Variants in DTNB observed in about 807,000 individuals in gnomAD.
DTNB encodes DTN-B.
A neutral mutation model predicts 90.7 loss-of-function variants in DTNB; 63 were observed. The ratio of observed to expected loss-of-function variants is 0.69; its 90% CI spans 0.57 to 0.86. DTNB has a LOEUF of 0.86. Ranked by LOEUF, DTNB falls within the 40% of genes least tolerant of loss-of-function variation. The pLI, the probability that DTNB is intolerant of heterozygous loss-of-function variation, is 0.00. For synonymous variants in DTNB, 277 were observed against 286.7 expected, an observed-to-expected ratio of 0.97 and a Z score of 0.34; for missense variants, 744 against 807.1, an observed-to-expected ratio of 0.92 and a Z score of 0.95.
chr2:25,608,826 G>A (rs1489026549), intron 4 of DTNB, among the ~76,000 whole-genome samples: 2 of 152,158 alleles, frequency 1.3e-5, no homozygotes, highest in African/African-American at 4.8e-5. Flanking sequence ...CTGAAACTAG[G>A]ATAGGGGCAC....
intron 8 of DTNB, among the ~76,000 whole-genome samples, chr2:25,535,448 C>A (rs1434818493): frequency 6.9e-6 from 1 of 144,696 alleles, no homozygotes; most frequent in Non-Finnish European, 1.5e-5. Context: ...CCTCACCTCC[C>A]ATTCGGGGCA....
At chr2:25,486,525 C>T (rs1038127283) in intron 9 of DTNB, among the ~76,000 whole-genome samples, 5 of 150,958 alleles carry the variant, frequency 3.3e-5, no homozygotes, top group Non-Finnish European at 2.9e-5. Context: ...CCTAGCTACT[C>T]AGGAGGCAGA....
chr2:25,593,987 C>T (rs1011974336), intron 6 of DTNB, among the ~76,000 whole-genome samples: 1 of 152,190 alleles, frequency 6.6e-6, no homozygotes, highest in African/African-American at 2.4e-5. Flanking sequence ...ATACACCATA[C>T]ACAAGATTAC....
At chr2:25,529,811 C>T (rs1157146390) in intron 9 of DTNB, among the ~76,000 whole-genome samples, 1 of 152,144 alleles carries the variant, frequency 6.6e-6, no homozygotes, top group Non-Finnish European at 1.5e-5. Context: ...CATTATTTGG[C>T]TTTATTAGAT....
intron 2 of DTNB, chr2:25,650,140 TCAGATCTCTACCC>T (rs748276976): frequency 8.1e-6 from 8 of 985,448 alleles, no homozygotes; most frequent in Non-Finnish European, 9.6e-6. Flanking sequence ...CAGGACTACT[TCAGATCTCTACCC>T]CATCAACGCC....
intron 6 of DTNB, 73 bp from the exon 7 acceptor site, chr2:25,580,899 T>A: frequency 7.4e-7 from 1 of 1,352,202 alleles, no homozygotes; most frequent in Non-Finnish European, 1.0e-6. Context: ...AATTTAGGAT[T>A]TTTCCCATCC....
intron 16 of DTNB, among the ~76,000 whole-genome samples, chr2:25,389,772 C>T (rs1353835753): frequency 1.3e-5 from 2 of 152,046 alleles, no homozygotes; most frequent in Non-Finnish European, 2.9e-5. Flanking sequence ...GACACCCCAC[C>T]GCAGTGCTTC....
At chr2:25,642,640 G>A (rs1046339984) in intron 2 of DTNB, among the ~76,000 whole-genome samples, 17 of 152,016 alleles carry the variant, frequency 1.1e-4, no homozygotes, top group African/African-American at 3.9e-4. Context: ...TTGAACTCCC[G>A]AGCTCAATGG....
intron 6 of DTNB, among the ~76,000 whole-genome samples, chr2:25,592,249 T>C (rs1228680693): frequency 6.6e-6 from 1 of 151,974 alleles, no homozygotes; most frequent in Non-Finnish European, 1.5e-5. Flanking sequence ...CCAGGATGCT[T>C]CTGGTTTGGG....
chr2:25,474,775 T>A (rs2063449569), intron 10 of DTNB, among the ~76,000 whole-genome samples: 2 of 152,208 alleles, frequency 1.3e-5, no homozygotes, highest in Admixed American at 1.3e-4. Flanking sequence ...TCCAACAGCA[T>A]GTGCTCACTT....
intron 5 of DTNB, among the ~76,000 whole-genome samples, chr2:25,597,332 T>C (rs189603986): frequency 2.6e-5 from 4 of 151,458 alleles, no homozygotes; most frequent in East Asian, 3.9e-4. Flanking sequence ...GAGTGAGACC[T>C]TGTCTCCAAA....
At chr2:25,420,512 ATCTAT>A (rs1558448272) in intron 15 of DTNB, among the ~76,000 whole-genome samples, 8 of 103,078 alleles carry the variant, frequency 7.8e-5, no homozygotes, top group Non-Finnish European at 1.8e-4. Flanking sequence ...CTATCTATCT[ATCTAT>A]CTATCTGTCT....
chr2:25,588,689 A>T (rs542479399), intron 6 of DTNB, among the ~76,000 whole-genome samples: 2 of 152,200 alleles, frequency 1.3e-5, no homozygotes, highest in South Asian at 4.2e-4. Context: ...ATGACAACAC[A>T]TGTAGTGCCA....
At chr2:25,478,997 G>C (rs889330282) in intron 10 of DTNB, among the ~76,000 whole-genome samples, 3 of 152,220 alleles carry the variant, frequency 2.0e-5, no homozygotes, top group Non-Finnish European at 2.9e-5. Flanking sequence ...TTTGTGATCT[G>C]TGTACTCTTC....
chr2:25,412,702 C>T (rs548851911), intron 16 of DTNB, among the ~76,000 whole-genome samples: 30 of 152,288 alleles, frequency 2.0e-4, no homozygotes, highest in Middle Eastern at 3.4e-3. Flanking sequence ...ATAAACAGAA[C>T]CCCTTTCCTT....
rs768077118 is a variant in DTNB, at chr2:25,427,550, C to A, written c.1539G>T (p.Leu513=). 6.2e-7 allele frequency: 1 copy of A among 1,613,764 alleles called. No homozygotes were observed. Among genetic ancestry groups the A allele is most frequent in the Non-Finnish European group, 8.5e-7 (1 of 1,179,802 alleles). ...GGGCTCTTACCTTCAGCAACTTCAT[C>A]AGCTCTTCCAGCTGGACCATCAGCT... ...RRELMVQLEE[L]MKLLKEEEQK... is the part of the protein sequence containing the mutation. The change falls in exon 15 of 21, where the codon CTG becomes CTT. Residue 513 remains leucine (L), a synonymous_variant. Transcript: ENST00000406818.
At chr2:25,608,094 C>G (rs965343213) in intron 4 of DTNB, among the ~76,000 whole-genome samples, 25 of 152,192 alleles carry the variant, frequency 1.6e-4, no homozygotes, top group African/African-American at 5.8e-4. Flanking sequence ...AAAAACTTCA[C>G]TAGTTGGTTG....
At chr2:25,655,529 G>A (rs577595260) in intron 1 of DTNB, among the ~76,000 whole-genome samples, 2 of 152,190 alleles carry the variant, frequency 1.3e-5, no homozygotes, top group Non-Finnish European at 2.9e-5. Flanking sequence ...GTATAAGACT[G>A]GCAAGGAAAC....
chr2:25,512,159 TC>T (rs979259559), intron 9 of DTNB, among the ~76,000 whole-genome samples: 5 of 152,130 alleles, frequency 3.3e-5, no homozygotes, highest in Non-Finnish European at 7.4e-5. Flanking sequence ...TATCTTGACT[TC>T]CAGGATTATT....
Sources: gnomAD v4.1 joint callset for allele counts (sites outside exome capture counted in the v4.1 genomes callset) on GRCh38, gnomAD v4.1.1 for gene constraint, MANE v1.5 for transcripts, NCBI Gene and HGNC (gene_info 2026-07-23, HGNC 2026-07-21) for gene names.